Variants in ZC3H12B observed in about 807,000 individuals in gnomAD.
ZC3H12B encodes the protein probable ribonuclease ZC3H12B.
In ZC3H12B, 7 loss-of-function variants were observed where a neutral mutation model predicts 43.9. The ratio of observed to expected loss-of-function variants is 0.16; its 90% CI spans 0.09 to 0.30. The LOEUF (loss-of-function observed/expected upper bound fraction) is 0.30. Among genes scored for constraint, ZC3H12B ranks in the 10% least tolerant of loss-of-function variants. The pLI is 1.00. For synonymous variants in ZC3H12B, 222 were observed against 241.7 expected, an observed-to-expected ratio of 0.92 and a Z score of 0.76; for missense variants, 475 against 670.2, an observed-to-expected ratio of 0.71 and a Z score of 3.22.
the ZC3H12B span, among the ~76,000 whole-genome samples, chrX:65,093,147 G>A: frequency 8.9e-6 from 1 of 111,868 alleles, no homozygotes; most frequent in African/African-American, 3.2e-5. Flanking sequence ...TGGCTTTCAT[G>A]TGATGTTAAA....
the ZC3H12B span, among the ~76,000 whole-genome samples, chrX:65,360,713 A>G: frequency 5.3e-5 from 6 of 112,545 alleles, no homozygotes; most frequent in African/African-American, 3.2e-5. Flanking sequence ...AAGGCAAATA[A>G]AAGAATATAT....
the ZC3H12B span, among the ~76,000 whole-genome samples, chrX:65,204,588 G>A: frequency 1.8e-5 from 2 of 111,647 alleles, no homozygotes; most frequent in East Asian, 5.6e-4. Flanking sequence ...AACTGTGGAT[G>A]TTCTTTTCCC....
At chrX:65,118,578 G>A in the ZC3H12B span, among the ~76,000 whole-genome samples, 3 of 110,814 alleles carry the variant, frequency 2.7e-5, no homozygotes, top group African/African-American at 9.8e-5. Flanking sequence ...TGATTGCCTC[G>A]TCCAGAACTT....
At chrX:65,314,657 A>T in the ZC3H12B span, among the ~76,000 whole-genome samples, 3 of 111,743 alleles carry the variant, frequency 2.7e-5, no homozygotes, top group Admixed American at 9.5e-5. Context: ...GTCAAAAATA[A>T]TTTTTTTAGG....
chrX:65,417,412 T>C (rs1387601019), intron 3 of ZC3H12B, among the ~76,000 whole-genome samples: 7 of 112,625 alleles, frequency 6.2e-5, no homozygotes, highest in Non-Finnish European at 9.4e-5. Flanking sequence ...TGAATTAAAA[T>C]TTAATTATAT....
At chrX:65,244,003 T>G in the ZC3H12B span, among the ~76,000 whole-genome samples, 1 of 111,303 alleles carries the variant, frequency 9.0e-6, no homozygotes, top group Non-Finnish European at 1.9e-5. Flanking sequence ...AAAGAAAAAT[T>G]TGTTAATGAG....
intron 1 of ZC3H12B, among the ~76,000 whole-genome samples, chrX:65,493,339 C>T (rs372353274): frequency 1.7e-4 from 19 of 108,809 alleles, no homozygotes; most frequent in East Asian, 5.8e-4. Flanking sequence ...GCCGAGATTG[C>T]GCCACTACAC....
chrX:65,230,740 G>A, the ZC3H12B span, among the ~76,000 whole-genome samples: 2 of 110,788 alleles, frequency 1.8e-5, no homozygotes, highest in South Asian at 7.6e-4. Flanking sequence ...CAAAACCTAT[G>A]GATTTGTATC....
At chrX:65,399,098 A>T (rs752623653) in intron 3 of ZC3H12B, among the ~76,000 whole-genome samples, 9 of 112,698 alleles carry the variant, frequency 8.0e-5, no homozygotes, top group Non-Finnish European at 1.3e-4. Context: ...GGAGAAATTC[A>T]TCAGGACATT....
chrX:65,492,086 C>A (rs925123844), intron 1 of ZC3H12B, among the ~76,000 whole-genome samples: 1 of 110,649 alleles, frequency 9.0e-6, no homozygotes, highest in Non-Finnish European at 1.9e-5. Context: ...CCACCCGGAA[C>A]ACCCTAGATC....
At chrX:65,394,319 G>T (rs1033504866) in intron 2 of ZC3H12B, among the ~76,000 whole-genome samples, 1 of 112,164 alleles carries the variant, frequency 8.9e-6, no homozygotes, top group Non-Finnish European at 1.9e-5. Context: ...TTCTTCTAAG[G>T]TTTTTATGGT....
chrX:65,116,803 C>T, the ZC3H12B span, among the ~76,000 whole-genome samples: 1 of 110,225 alleles, frequency 9.1e-6, no homozygotes. Flanking sequence ...CCTATGGGAA[C>T]ATGCAGTGTT....
At chrX:65,399,107 T>C (rs1377270129) in intron 3 of ZC3H12B, among the ~76,000 whole-genome samples, 2 of 112,340 alleles carry the variant, frequency 1.8e-5, no homozygotes, top group African/African-American at 6.5e-5. Flanking sequence ...CATCAGGACA[T>C]TGGACTGGGT....
chrX:65,167,535 T>C, the ZC3H12B span, among the ~76,000 whole-genome samples: 6 of 111,785 alleles, frequency 5.4e-5, no homozygotes, highest in Admixed American at 5.7e-4. Context: ...GGCTCTTCTT[T>C]GGTTCCATGT....
the ZC3H12B span, among the ~76,000 whole-genome samples, chrX:65,308,413 G>T: frequency 9.0e-6 from 1 of 111,059 alleles, no homozygotes; most frequent in South Asian, 3.8e-4. Context: ...AATGGTAAAG[G>T]GATCAATTAA....
exon 5 of ZC3H12B, chrX:65,506,696 TTTC>T (rs1602551270): frequency 1.8e-5 from 2 of 112,449 alleles, no homozygotes; most frequent in Non-Finnish European, 3.8e-5. Context: ...TCTGATTTTT[TTTC>T]TTCTTTTTGT....
chrX:65,108,671 C>T, the ZC3H12B span, among the ~76,000 whole-genome samples: 2 of 110,316 alleles, frequency 1.8e-5, no homozygotes, highest in Admixed American at 1.9e-4. Flanking sequence ...AAAGTGTATA[C>T]TCTAACAATA....
chrX:65,061,320 C>A, the ZC3H12B span, among the ~76,000 whole-genome samples: 1 of 107,572 alleles, frequency 9.3e-6, no homozygotes, highest in East Asian at 2.8e-4. Context: ...TCCTTTTGTC[C>A]AACATCCCCC....
At chrX:65,140,738 A>C in the ZC3H12B span, among the ~76,000 whole-genome samples, 5 of 111,819 alleles carry the variant, frequency 4.5e-5, no homozygotes, top group East Asian at 1.4e-3. Context: ...TTAGTGATTT[A>C]ATCTCCTTAC....
Sources: allele counts gnomAD v4.1 joint callset (sites outside exome capture counted in the v4.1 genomes callset), GRCh38; gene constraint gnomAD v4.1.1; transcripts MANE v1.5; gene names NCBI Gene and HGNC (gene_info 2026-07-23, HGNC 2026-07-21).